PLS3: variants seen among roughly 807,000 people sequenced by gnomAD.
PLS3 encodes plastin 3.
In PLS3, 11 loss-of-function variants were observed where a neutral mutation model predicts 46.5. The ratio of observed to expected loss-of-function variants is 0.24; its 90% CI spans 0.15 to 0.39. The LOEUF (loss-of-function observed/expected upper bound fraction) is 0.39, where lower values mean the gene tolerates loss of function less well. PLS3 is among the 10% of genes least tolerant of loss of function. The probability of loss-of-function intolerance (pLI) is 1.00; values close to 1 mark genes in which losing one functional copy is unlikely to be tolerated. For missense variants in PLS3, 308 were observed against 461.8 expected, an observed-to-expected ratio of 0.67 and a Z score of 3.05; for synonymous variants, 167 against 162.2, an observed-to-expected ratio of 1.03 and a Z score of -0.22.
chrX:115,624,693 T>A (rs1381497988), intron 3 of PLS3, among the ~76,000 whole-genome samples: 1 of 112,227 alleles, frequency 8.9e-6, no homozygotes, highest in Non-Finnish European at 1.9e-5. Context: ...TATTTGTGGC[T>A]TTTAAGGGAG....
chrX:115,645,018 C>T lies in PLS3; in HGVS notation c.1184-3C>T. On this transcript the variant is annotated splice_region_variant and splice_polypyrimidine_tract_variant and intron_variant, in intron 10 of 15. Transcript: ENST00000355899. ...CAGTAAATTTTGTGAATATTCTTAA[C>T]AGGAGAAACTCGTGAAGAAAGAACC... is the stretch of plus-strand genomic sequence containing the variant. 8.6e-7 allele frequency: 1 copy of T among 1,159,483 alleles called. No homozygotes were observed. The highest frequency in any genetic ancestry group is 1.2e-6 in the Non-Finnish European group (1 of 849,126).
intron 2 of PLS3, chrX:115,610,871 T>C: frequency 9.2e-7 from 1 of 1,088,465 alleles, no homozygotes; most frequent in South Asian, 2.1e-5. Context: ...TGCTATTTGA[T>C]TTATCCTTTA....
At chrX:115,590,965 C>T (rs192225565) in intron 1 of PLS3, among the ~76,000 whole-genome samples, 89 of 110,176 alleles carry the variant, frequency 8.1e-4, no homozygotes, top group Non-Finnish European at 1.4e-3. Context: ...GGTGAAATCC[C>T]GTCTCTACTA....
rs1365040235 is a variant in PLS3, at chrX:115,611,495, A to G, written c.73+1172A>G. Among the ~76,000 whole-genome samples, 7 of 111,569 alleles carry G rather than the reference A, an allele frequency of 6.3e-5. No individual in the cohort carries two copies. The East Asian group carries it at 2.0e-3, about 31-fold the overall frequency. ...TTTTTTTTCAAAATGACTCTCATTCAGTCAAAATAGTCTTATAATTGTTTT... is the reference window on the plus strand; with the variant it reads ...TTTTTTTTCAAAATGACTCTCATTCGGTCAAAATAGTCTTATAATTGTTTT... On this transcript the variant is annotated intron_variant, in intron 2 of 15. Transcript: ENST00000355899.
rs1260605432 is a variant in PLS3 at position 115,649,552 on chromosome X, G to A, written c.1884G>A (p.Lys628=). 7 of 1,206,294 alleles carry A rather than the reference G, an allele frequency of 5.8e-6. No homozygotes were observed. The highest frequency in any genetic ancestry group is 7.8e-6 in the Non-Finnish European group (7 of 893,095). Residue 628 remains lysine (K), a synonymous_variant, in exon 16 of 16, where the codon AAG becomes AAA. Coordinates refer to ENST00000355899, the MANE Select transcript of PLS3 (RefSeq NM_005032.7). ...CATGTTTGATGGGCAGGGGAATGAA[G>A]AGAGTGTAAAATAACCAATCTGAAT... ...VFACLMGRGM[K]RV is the part of the protein sequence containing the mutation.
rs892996887 is a variant in PLS3 at position 115,561,813 on chromosome X, G to C, written c.-9+553G>C. ...GCCGACCCTGGGGCTCTGGAGAGGG[G>C]GGGCCGTGGCCGAGGGAAGGCACGA... On this transcript the variant is annotated intron_variant, in intron 1 of 15. Coordinates refer to ENST00000355899, the MANE Select transcript of PLS3 (RefSeq NM_005032.7). Among the ~76,000 whole-genome samples, 15 of 111,487 alleles carry C rather than the reference G, an allele frequency of 1.3e-4. 1 individual carries two copies. Among genetic ancestry groups the C allele is most frequent in the Non-Finnish European group, 1.1e-4 (6 of 53,017 alleles).
chrX:115,569,571 A>G (rs61641070), intron 1 of PLS3, among the ~76,000 whole-genome samples: 1,218 of 112,072 alleles, frequency 0.011, 15 homozygotes, highest in African/African-American at 0.037. Context: ...GCTGTCACTT[A>G]ATTTGTGCCT....
chrX:115,640,024 G>T (rs2074878739), intron 8 of PLS3: 12 of 643,140 alleles, frequency 1.9e-5, no homozygotes, highest in Non-Finnish European at 2.7e-5. Flanking sequence ...GCTTTGTAAT[G>T]ATATAACCTG....
chrX:115,635,111 C>T (rs2074817395), intron 7 of PLS3, 65 bp downstream of exon 7: 8 of 955,873 alleles, frequency 8.4e-6, no homozygotes, highest in Non-Finnish European at 1.0e-5. Flanking sequence ...TGCAGACTTT[C>T]GTGCTCTCAC....
intron 1 of PLS3, among the ~76,000 whole-genome samples, chrX:115,599,681 G>T (rs1556634313): frequency 9.5e-6 from 1 of 105,267 alleles, no homozygotes. Flanking sequence ...CGCCCAGGCT[G>T]GAGTGCAGTG....
At chrX:115,644,977 A>T (rs2074936257) in intron 10 of PLS3, 44 bp from the exon 11 acceptor site, 2 of 799,358 alleles carry the variant, frequency 2.5e-6, no homozygotes, top group Non-Finnish European at 1.9e-6. Context: ...GCACATACAT[A>T]AAGTGTTTAA....
chrX:115,580,203 T>C (rs1444700650), intron 1 of PLS3, among the ~76,000 whole-genome samples: 1 of 112,436 alleles, frequency 8.9e-6, no homozygotes, highest in Non-Finnish European at 1.9e-5. Context: ...ATTTATTTGG[T>C]GAGGCCCACT....
chrX:115,610,190 C>T, intron 1 of PLS3, 53 bp from the exon 2 acceptor site: 2 of 597,251 alleles, frequency 3.3e-6, no homozygotes, highest in Non-Finnish European at 5.3e-6. Flanking sequence ...AGCAAGAGTG[C>T]TTATATTTAT....
intron 1 of PLS3, among the ~76,000 whole-genome samples, chrX:115,600,806 G>A (rs971492327): frequency 1.8e-5 from 2 of 111,444 alleles, no homozygotes; most frequent in African/African-American, 6.5e-5. Flanking sequence ...TCAGTGGGAG[G>A]TGGAGTCATT....
At chrX:115,646,036 C>T in intron 11 of PLS3, 36 bp from the exon 12 acceptor site, 3 of 822,178 alleles carry the variant, frequency 3.6e-6, no homozygotes, top group Non-Finnish European at 3.7e-6. Flanking sequence ...TCCCAGCTTC[C>T]TGAAAACACT....
chrX:115,611,938 T>A (rs1457253244), intron 2 of PLS3, among the ~76,000 whole-genome samples: 1 of 111,588 alleles, frequency 9.0e-6, no homozygotes. Context: ...GAGTTTAAGA[T>A]AGGCGTACAG....
chrX:115,571,013 G>C (rs2074211921), intron 1 of PLS3, among the ~76,000 whole-genome samples: 1 of 106,300 alleles, frequency 9.4e-6, no homozygotes, highest in Admixed American at 1.0e-4. Flanking sequence ...TCCTGCCTCA[G>C]CCTCCCGAGT....
intron 1 of PLS3, among the ~76,000 whole-genome samples, chrX:115,567,706 CTTCTT>C (rs1245937103): frequency 2.1e-5 from 2 of 96,853 alleles, no homozygotes; most frequent in African/African-American, 7.9e-5. Flanking sequence ...TTCTTTTCTT[CTTCTT>C]TTTTTTTTTT....
At chrX:115,633,011 C>T (rs1351087202) in intron 5 of PLS3, among the ~76,000 whole-genome samples, 2 of 110,417 alleles carry the variant, frequency 1.8e-5, no homozygotes, top group African/African-American at 6.6e-5. Flanking sequence ...GCTAGGGTTA[C>T]AGGCGTGAGC....
Sources: allele counts gnomAD v4.1 joint callset (sites outside exome capture counted in the v4.1 genomes callset), GRCh38; gene constraint gnomAD v4.1.1; transcripts MANE v1.5; gene names NCBI Gene and HGNC (gene_info 2026-07-23, HGNC 2026-07-21).